Variants in ENPP2 observed in about 807,000 individuals in gnomAD.
ENPP2 encodes the protein autotaxin.
In ENPP2, 51 loss-of-function variants were observed where a neutral mutation model predicts 120.2. The ratio of observed to expected loss-of-function variants is 0.42; its 90% confidence interval spans 0.34 to 0.54. ENPP2 has a LOEUF of 0.54. Among genes scored for constraint, ENPP2 ranks in the 20% least tolerant of loss-of-function variants. The pLI, the probability that ENPP2 is intolerant of heterozygous loss-of-function variation, is 0.04. For synonymous variants in ENPP2, 365 were observed against 366.4 expected (o/e 1.00, Z 0.04); for missense variants, 920 against 1,066.5 (o/e 0.86, Z 1.91).
At chr8:119,667,775 C>T (rs897090366) in intron 1 of ENPP2, among the ~76,000 whole-genome samples, 3 of 152,158 alleles carry the variant, frequency 2.0e-5, no homozygotes, top group East Asian at 1.9e-4. Flanking sequence ...GACCCCAAAC[C>T]GATTATGACA....
At chr8:119,659,320 T>TAAAAAAAAAAAAAAAAAAAAA (rs750701293) in intron 1 of ENPP2, among the ~76,000 whole-genome samples, 4 of 64,882 alleles carry the variant, frequency 6.2e-5, no homozygotes, top group Non-Finnish European at 1.0e-4. Context: ...CTGTCTCAAT[T>TAAAAAAAAAAAAAAAAAAAAA]AAAAAAAAAA....
chr8:119,628,861 T>C (rs1444294609), intron 2 of ENPP2, among the ~76,000 whole-genome samples: 2 of 152,178 alleles, frequency 1.3e-5, no homozygotes, highest in Non-Finnish European at 2.9e-5. Flanking sequence ...AACTTTTTCC[T>C]TCTGTAAGAA....
intron 3 of ENPP2, among the ~76,000 whole-genome samples, chr8:119,626,221 C>T (rs1202633849): frequency 2.6e-5 from 4 of 152,038 alleles, no homozygotes; most frequent in Admixed American, 6.6e-5. Flanking sequence ...TAAAAAAGAA[C>T]ATACACAATT....
At chr8:119,616,232 AACACATAGAC>A (rs765278783) in intron 8 of ENPP2, 23 bp downstream of exon 8, 1 of 1,571,862 alleles carries the variant, frequency 6.4e-7, no homozygotes, top group Admixed American at 1.7e-5. Flanking sequence ...TGAACACACA[AACACATAGAC>A]ACACAATAAA....
At chr8:119,567,640 G>T (rs16892776) in intron 22 of ENPP2, among the ~76,000 whole-genome samples, 3,771 of 152,234 alleles carry the variant, frequency 0.025, 70 homozygotes, top group South Asian at 0.065. Context: ...GATTCAGAAG[G>T]TCCTTTCGGC....
At chr8:119,581,573 A>G (rs930336617) in intron 18 of ENPP2, among the ~76,000 whole-genome samples, 1 of 152,076 alleles carries the variant, frequency 6.6e-6, no homozygotes, top group Non-Finnish European at 1.5e-5. Context: ...GTTCCTTCCT[A>G]TTCGGTTGTC....
intron 9 of ENPP2, among the ~76,000 whole-genome samples, chr8:119,602,722 G>T (rs1814404045): frequency 6.6e-6 from 1 of 152,142 alleles, no homozygotes; most frequent in Non-Finnish European, 1.5e-5. Context: ...CCAACAGGGA[G>T]CACAAAATGC....
intron 1 of ENPP2, among the ~76,000 whole-genome samples, chr8:119,663,502 T>C (rs1006947809): frequency 3.3e-5 from 5 of 152,204 alleles, no homozygotes; most frequent in Admixed American, 3.3e-4. Context: ...TTTTTGTCTC[T>C]TTTGTTTTGT....
At position 119,626,810 on chromosome 8, in the gene ENPP2, T is replaced by G. The variant is rs1816313523; in HGVS notation, c.137-90A>C. Reference sequence around the variant, plus strand: ...ACTGGGAAGCTGTGCGGTGTGATGCTGCAGTGGACTCTGGAGGAGAACACT... The same window carrying G: ...ACTGGGAAGCTGTGCGGTGTGATGCGGCAGTGGACTCTGGAGGAGAACACT... On this transcript the variant is annotated intron_variant, in intron 2 of 24. Coordinates refer to ENST00000075322, the MANE Select transcript of ENPP2 (RefSeq NM_001040092.3). 4 of 1,190,236 alleles carry G rather than the reference T, an allele frequency of 3.4e-6. No individual in the cohort carries two copies. The African/African-American group carries it at 6.0e-5, about 18-fold the overall frequency. 73.7% of individuals were successfully genotyped at this position (1,190,236 alleles called of 1,614,324 possible).
intron 24 of ENPP2, among the ~76,000 whole-genome samples, chr8:119,562,014 A>G (rs757387062): frequency 7.9e-5 from 12 of 152,016 alleles, no homozygotes; most frequent in Admixed American, 2.0e-4. Flanking sequence ...GTGGGCGCCT[A>G]TAGTCCCAGC....
At chr8:119,611,553 C>T (rs1815108847) in intron 8 of ENPP2, among the ~76,000 whole-genome samples, 1 of 152,152 alleles carries the variant, frequency 6.6e-6, no homozygotes, top group Admixed American at 6.5e-5. Context: ...TCCTTAAGGC[C>T]ACCTACCCTA....
chr8:119,632,710 T>C (rs1227938206), intron 2 of ENPP2, among the ~76,000 whole-genome samples: 6 of 152,234 alleles, frequency 3.9e-5, no homozygotes, highest in African/African-American at 1.4e-4. Flanking sequence ...CAATTACTTT[T>C]ACTTAAGTCA....
At chr8:119,661,467 C>T (rs1817918551) in intron 1 of ENPP2, among the ~76,000 whole-genome samples, 1 of 152,130 alleles carries the variant, frequency 6.6e-6, no homozygotes, top group Non-Finnish European at 1.5e-5. Context: ...TGAAATATCA[C>T]CTCGGACCTG....
At chr8:119,597,463 T>C (rs1476903592) in intron 11 of ENPP2, among the ~76,000 whole-genome samples, 1 of 152,192 alleles carries the variant, frequency 6.6e-6, no homozygotes, top group African/African-American at 2.4e-5. Flanking sequence ...ATCGCATGTA[T>C]TTCCTTCTTC....
chr8:119,564,677 C>CA (rs372773704), intron 23 of ENPP2, 146 bp downstream of exon 23: 8,294 of 294,502 alleles, frequency 0.028, 129 homozygotes, highest in Non-Finnish European at 0.034. Context: ...GACGCCGTCT[C>CA]AAAAAAATAT....
chr8:119,566,992 C>G (rs1814506364), intron 22 of ENPP2, among the ~76,000 whole-genome samples: 1 of 152,176 alleles, frequency 6.6e-6, no homozygotes. Context: ...AACCGTGTGG[C>G]CCTTTTCACC....
At chr8:119,559,113 C>T (rs1393214571) in intron 24 of ENPP2, among the ~76,000 whole-genome samples, 1 of 152,228 alleles carries the variant, frequency 6.6e-6, no homozygotes, top group East Asian at 1.9e-4. Context: ...CCCAACCTAA[C>T]CAAGATCTCT....
intron 2 of ENPP2, among the ~76,000 whole-genome samples, chr8:119,633,357 A>G (rs1016959224): frequency 2.0e-5 from 3 of 152,174 alleles, no homozygotes; most frequent in Admixed American, 6.5e-5. Context: ...ACTGCTCTCT[A>G]TCTGTTCCTC....
intron 8 of ENPP2, among the ~76,000 whole-genome samples, chr8:119,609,766 A>G (rs1814966632): frequency 2.0e-5 from 3 of 152,144 alleles, no homozygotes; most frequent in Non-Finnish European, 4.4e-5. Flanking sequence ...TATCCAAACA[A>G]CTTCCTAGAT....
Sources: allele counts gnomAD v4.1 joint callset (sites outside exome capture counted in the v4.1 genomes callset), GRCh38; gene constraint gnomAD v4.1.1; transcripts MANE v1.5; gene names NCBI Gene and HGNC (gene_info 2026-07-23, HGNC 2026-07-21).